Variants in LMO3 observed in about 807,000 individuals in gnomAD.
LMO3 encodes the protein LIM domain only protein 3.
A neutral mutation model predicts 15.8 loss-of-function variants in LMO3; 2 were observed. The observed-to-expected ratio is 0.13, with a 90% CI of 0.05 to 0.40. LMO3 has a LOEUF of 0.40. LMO3 is among the 10% of genes least tolerant of loss of function. The pLI, the probability that LMO3 is intolerant of heterozygous loss-of-function variation, is 0.99. For missense variants in LMO3, 86 were observed against 182.2 expected (o/e 0.47, Z 3.04); for synonymous variants, 62 against 63.8 (o/e 0.97, Z 0.13).
intron 2 of LMO3, chr12:16,594,025 C>A: frequency 1.1e-6 from 1 of 885,052 alleles, no homozygotes; most frequent in Non-Finnish European, 1.6e-6. Flanking sequence ...TAAAAGTTGT[C>A]CTACATGTTA....
At position 16,594,245 on chromosome 12, in the gene LMO3, C is replaced by A. The variant is rs760852387; in HGVS notation, c.206+6410G>T. ...ATGTGCAGCATGTATGTATATAGAT[C>A]CACACCTCTTCAAATGCTTAACAAG... On this transcript the variant is annotated intron_variant, in intron 2 of 3. Transcript: ENST00000537304. The A allele has an allele frequency of 5.9e-6, 9 of 1,530,002 alleles. No individual in the cohort carries two copies. In the South Asian group the frequency reaches 9.6e-5, roughly 16 times the overall value. The allele number at this position is 1,530,002 out of a possible 1,614,324, so 94.8% of individuals were successfully genotyped here.
intron 2 of LMO3, among the ~76,000 whole-genome samples, chr12:16,590,845 A>G (rs1033509191): frequency 2.4e-4 from 36 of 152,198 alleles, no homozygotes; most frequent in East Asian, 9.7e-4. Context: ...GCAACAGATC[A>G]TCACGTGACC....
Position 16,586,345 on chromosome 12 carries a change from G to A in LMO3, c.206+14310C>T, listed in dbSNP as rs936760017. Among the ~76,000 whole-genome samples the A allele has an allele frequency of 2.0e-5, 3 of 152,092 alleles. No homozygotes were observed. The highest frequency in any genetic ancestry group is 7.2e-5 in the African/African-American group (3 of 41,412). On this transcript the variant is annotated intron_variant, in intron 2 of 3. Coordinates refer to ENST00000537304, the MANE Select transcript of LMO3 (RefSeq NM_018640.5). The surrounding 1 kb of genome is among the most constrained non-coding windows in gnomAD (Gnocchi z 4.3). The stretch of plus-strand genomic sequence containing the variant: ...AACAACTAAGAAACAACTAAAACAC[G>A]TGCATGAATGGAGAACCACTGCATG...
chr12:16,588,037 TC>T (rs1005781845), intron 2 of LMO3, among the ~76,000 whole-genome samples: 17 of 152,108 alleles, frequency 1.1e-4, no homozygotes, highest in African/African-American at 3.9e-4. Flanking sequence ...TTTGGTATTT[TC>T]CCCCTTTTAT....
At chr12:16,592,740 T>C (rs974691658) in intron 2 of LMO3, among the ~76,000 whole-genome samples, 3 of 151,936 alleles carry the variant, frequency 2.0e-5, no homozygotes, top group African/African-American at 4.8e-5. Flanking sequence ...TCTTGATTCT[T>C]CTATTTTTTG....
intron 3 of LMO3, among the ~76,000 whole-genome samples, chr12:16,553,681 C>T (rs542307014): frequency 1.5e-4 from 23 of 152,136 alleles, no homozygotes; most frequent in Middle Eastern, 3.4e-3. Flanking sequence ...GAGCAGATTA[C>T]GACTGGTATG....
intron 2 of LMO3, among the ~76,000 whole-genome samples, chr12:16,566,037 TA>T (rs1942597066): frequency 1.2e-5 from 1 of 86,166 alleles, no homozygotes; most frequent in African/African-American, 4.6e-5. Flanking sequence ...TATATATATA[TA>T]TAAAATGGAG....
intron 2 of LMO3, chr12:16,600,002 G>A (rs899863549): frequency 2.0e-5 from 3 of 152,016 alleles, no homozygotes; most frequent in African/African-American, 7.3e-5. Flanking sequence ...GGTGGGGCGA[G>A]AGGAAGATGT....
intron 3 of LMO3, among the ~76,000 whole-genome samples, chr12:16,557,361 G>T (rs1409694385): frequency 7.8e-6 from 1 of 128,694 alleles, no homozygotes; most frequent in Non-Finnish European, 1.6e-5. Context: ...CCTTAAGGTG[G>T]CAAGGATTTT....
rs1941963831 is a variant in LMO3, at chr12:16,550,925, C to T, written c.*297G>A. On this transcript the variant is annotated 3_prime_UTR_variant, in exon 4 of 4. Transcript: ENST00000537304. ...CATTTGTGCTTCAAATATTACAATA[C>T]ATTATATACAATAGTCCAAAATAAA... 3.7e-6 allele frequency: 1 copy of T among 272,560 alleles called. No individual in the cohort carries two copies. 16.9% of individuals were successfully genotyped at this position (272,560 alleles called of 1,614,324 possible).
upstream of LMO3, chr12:16,608,336 T>C (rs562953898): frequency 2.0e-5 from 3 of 152,266 alleles, no homozygotes; most frequent in East Asian, 3.9e-4. The surrounding 1 kb of genome is among the most constrained non-coding windows in gnomAD (Gnocchi z 4.1). Context: ...AGATTTTTTT[T>C]CCCTCCAACT....
intron 1 of LMO3, chr12:16,605,002 G>A: frequency 6.3e-7 from 1 of 1,589,426 alleles, no homozygotes; most frequent in Admixed American, 1.7e-5. Context: ...CTGGTGCGCA[G>A]CCTACACCGC....
At chr12:16,564,288 T>C (rs1490636812) in intron 2 of LMO3, among the ~76,000 whole-genome samples, 2 of 151,866 alleles carry the variant, frequency 1.3e-5, no homozygotes, top group Non-Finnish European at 2.9e-5. Context: ...TAATAACTTT[T>C]GTGTATGGGT....
At chr12:16,566,585 C>T (rs923299909) in intron 2 of LMO3, among the ~76,000 whole-genome samples, 4 of 151,808 alleles carry the variant, frequency 2.6e-5, no homozygotes, top group Non-Finnish European at 4.4e-5. Context: ...TAAAAGTTGA[C>T]CATATATTAA....
intron 2 of LMO3, among the ~76,000 whole-genome samples, chr12:16,564,578 C>G (rs1942524433): frequency 6.6e-6 from 1 of 152,088 alleles, no homozygotes. Flanking sequence ...TTTCACAGCA[C>G]CAGATGTTTC....
At chr12:16,554,597 A>G (rs575491825) in intron 3 of LMO3, among the ~76,000 whole-genome samples, 5 of 152,342 alleles carry the variant, frequency 3.3e-5, no homozygotes, top group African/African-American at 1.2e-4. Context: ...GACACTACCC[A>G]CACCCCAAAT....
chr12:16,560,130 AAAATAATAAAAGAAG>A lies in LMO3; in HGVS notation c.332+268_332+282del, dbSNP rs1942341766. On this transcript the variant is annotated intron_variant, in intron 3 of 3. Coordinates refer to ENST00000537304, the MANE Select transcript of LMO3 (RefSeq NM_018640.5). The surrounding 1 kb of genome is among the most constrained non-coding windows in gnomAD (Gnocchi z 5.0). ...TTAAAACTACTTTTAAAAAGACAGG[AAAATAATAAAAGAAG>A]GAATGAGTAAAAGAAGTCAGAGTTT... 6.6e-6 allele frequency among the ~76,000 whole-genome samples: 1 copy of A among 152,212 alleles called. No homozygotes were observed. Among genetic ancestry groups the A allele is most frequent in the African/African-American group, 2.4e-5 (1 of 41,450 alleles).
chr12:16,601,252 A>C (rs186635564), intron 1 of LMO3, among the ~76,000 whole-genome samples: 11 of 152,240 alleles, frequency 7.2e-5, no homozygotes, highest in Non-Finnish European at 1.5e-4. Flanking sequence ...AAATTAATCT[A>C]TGCACAGTCC....
intron 2 of LMO3, among the ~76,000 whole-genome samples, chr12:16,592,824 A>G (rs1224910519): frequency 3.3e-5 from 5 of 151,932 alleles, no homozygotes; most frequent in Non-Finnish European, 5.9e-5. Context: ...AATAATTACT[A>G]AAGAGATTTC....
Sources: gnomAD v4.1 joint callset for allele counts (sites outside exome capture counted in the v4.1 genomes callset) on GRCh38, gnomAD v4.1.1 for gene constraint, Gnocchi (gnomAD v3.1) non-coding constraint, MANE v1.5 for transcripts, NCBI Gene and HGNC (gene_info 2026-07-23, HGNC 2026-07-21) for gene names.